Variants in IK observed in about 807,000 individuals in gnomAD.
IK encodes protein Red.
In IK, 47 loss-of-function variants were observed where a neutral mutation model predicts 90.9. The observed-to-expected ratio is 0.52, with a 90% CI of 0.41 to 0.66. The LOEUF (loss-of-function observed/expected upper bound fraction) is 0.66, where lower values mean the gene tolerates loss of function less well. IK is among the 30% of genes least tolerant of loss of function. IK has a pLI of 0.00. For synonymous variants in IK, 201 were observed against 227.5 expected, an observed-to-expected ratio of 0.88 and a Z score of 1.05; for missense variants, 385 against 709.3, an observed-to-expected ratio of 0.54 and a Z score of 5.19.
rs1404573629 is a variant in IK, at chr5:140,659,064, A to G, written c.1076A>G (p.Glu359Gly). The change falls in exon 12 of 20, where the codon GAG (glutamate) becomes GGG (glycine). Residue 359 changes from glutamate to glycine, a missense_variant. Coordinates refer to ENST00000417647, the MANE Select transcript of IK (RefSeq NM_006083.4). Reference sequence around the variant, plus strand: ...GACAGAGACCGTGACCGAGAGCGAGAGCGAGAACGAGATCGGGAACGAGAG... The same window carrying G: ...GACAGAGACCGTGACCGAGAGCGAGGGCGAGAACGAGATCGGGAACGAGAG... Reference protein sequence around the residue: ...ERDRDRDRERERERDRERERE... With the variant: ...ERDRDRDRERGRERDRERERE... 6.2e-7 allele frequency: 1 copy of G among 1,612,100 alleles called. No homozygotes were observed. Among genetic ancestry groups the G allele is most frequent in the Non-Finnish European group, 8.5e-7 (1 of 1,178,194 alleles).
At chr5:140,658,820 T>C in intron 11 of IK, 44 bp downstream of exon 11, 1 of 1,598,188 alleles carries the variant, frequency 6.3e-7, no homozygotes, top group Non-Finnish European at 8.6e-7. Flanking sequence ...GGAGGGGGTC[T>C]GTACATTTCT....
At chr5:140,651,837 CA>C (rs749903384) in intron 3 of IK, 31 bp downstream of exon 3, 32 of 1,354,978 alleles carry the variant, frequency 2.4e-5, no homozygotes, top group Non-Finnish European at 3.4e-5. Context: ...ACCTGTCTCC[CA>C]ACTTGTTTCT....
chr5:140,658,447 A>G (rs1757745675), intron 10 of IK, among the ~76,000 whole-genome samples: 1 of 152,004 alleles, frequency 6.6e-6, no homozygotes, highest in African/African-American at 2.4e-5. Context: ...CCTCCTGAGT[A>G]GCTGGGATTA....
In IK at chr5:140,655,920, G is replaced by A. The variant is rs773675823; in HGVS notation, c.729G>A (p.Leu243=). The change falls in exon 9 of 20, where the codon CTG becomes CTA. Residue 243 remains leucine (L), a synonymous_variant. Transcript: ENST00000417647. ...GCCGCATGGCCTATGTGGTAGACCT[G>A]GATGATGAGTATGCTGACACAGATA... ...LPGRMAYVVD[L]DDEYADTDIP... 6.3e-6 allele frequency: 10 copies of A among 1,582,998 alleles called. No individual in the cohort carries two copies.
chr5:140,651,362 C>G (rs962552866), intron 2 of IK, among the ~76,000 whole-genome samples: 2 of 151,478 alleles, frequency 1.3e-5, no homozygotes, highest in African/African-American at 4.9e-5. Context: ...TTACTTGAAC[C>G]CAGGAGGCAG....
Position 140,652,098 on chromosome 5 carries a change from G to A in IK, c.187G>A (p.Glu63Lys), listed in dbSNP as rs1293835573. ...TCTCGTCTCTTCTAGGATGCCAAGG[G>A]AGTACAATGAGGATGAAGACCCAGC... The part of the protein sequence containing the change: ...SKSRHHEMPR[E>K]YNEDEDPAAR... The change falls in exon 4 of 20, where the codon GAG becomes AAG. Residue 63 changes from glutamate to lysine, a missense_variant. This residue lies in a region of IK where 64 missense variants were observed against 144.6 expected (regional missense o/e 0.44). Coordinates refer to ENST00000417647, the MANE Select transcript of IK (RefSeq NM_006083.4). 2 of 1,613,352 alleles carry A rather than the reference G, an allele frequency of 1.2e-6. No individual in the cohort carries two copies. The highest frequency in any genetic ancestry group is 1.7e-6 in the Non-Finnish European group (2 of 1,179,382).
rs1392880198 is a variant in IK at position 140,661,120 on chromosome 5, C to A, written c.1413+305C>A. 1 of 354,086 alleles carries A rather than the reference C, an allele frequency of 2.8e-6. No homozygotes were observed. The highest frequency in any genetic ancestry group is 4.5e-5 in the Admixed American group (1 of 22,254). 21.9% of individuals were successfully genotyped at this position (354,086 alleles called of 1,614,324 possible). A position where few individuals can be genotyped will look rare whatever the true frequency, so the allele number is the denominator to read the frequency against. ...TAAGTAGAAAGGGCAGAAAAAATTGCAGTCTTTGGAAAATAACTAAATTTT... is the reference window on the plus strand; with the variant it reads ...TAAGTAGAAAGGGCAGAAAAAATTGAAGTCTTTGGAAAATAACTAAATTTT... On this transcript the variant is annotated intron_variant, in intron 16 of 19. Coordinates refer to ENST00000417647, the MANE Select transcript of IK (RefSeq NM_006083.4). This position sits in a 1 kb window ranked among gnomAD's most constrained non-coding sequence, Gnocchi z 4.2.
intron 2 of IK, 128 bp downstream of exon 2, chr5:140,648,665 T>C: frequency 2.2e-6 from 2 of 910,760 alleles, no homozygotes; most frequent in Non-Finnish European, 3.6e-6. Flanking sequence ...TGGCCCTTTA[T>C]CTCTGTGAGC....
chr5:140,660,184 C>T lies in IK; in HGVS notation c.1344C>T (p.Cys448=), dbSNP rs1185289527. Residue 448 remains cysteine (C), a synonymous_variant, in exon 15 of 20, where the codon TGC becomes TGT. Coordinates refer to ENST00000417647, the MANE Select transcript of IK (RefSeq NM_006083.4). ...FFGMSNSYAE[C]YPATMDDMAV... ...GCATGTCCAACAGTTATGCAGAGTG[C>T]TACCCAGCCACGTATGTGAAACCTG... 2.5e-6 allele frequency: 4 copies of T among 1,612,266 alleles called. No individual in the cohort carries two copies. Among genetic ancestry groups the T allele is most frequent in the African/African-American group, 1.3e-5 (1 of 74,810 alleles).
rs1757625606 is a variant in IK at position 140,652,148 on chromosome 5, G to A, written c.236+1G>A. 1 of 1,611,330 alleles carries A rather than the reference G, an allele frequency of 6.2e-7. No homozygotes were observed. The highest frequency in any genetic ancestry group is 1.3e-5 in the African/African-American group (1 of 74,846). ...CTGCACGAAGGAGGAAAAAGAAAAG[G>A]TGAAGGAAGGGTGAAGGGTTTTAGA... On this transcript the variant is annotated splice_donor_variant, in intron 4 of 19. Coordinates refer to ENST00000417647, the MANE Select transcript of IK (RefSeq NM_006083.4). LOFTEE classifies it high-confidence loss of function.
intron 12 of IK, 34 bp from the exon 13 acceptor site, chr5:140,659,281 G>A (rs1322168020): frequency 2.5e-6 from 4 of 1,613,762 alleles, no homozygotes; most frequent in Non-Finnish European, 3.4e-6. Flanking sequence ...ATCTCTCATG[G>A]TAACACTAAC....
At position 140,660,148 on chromosome 5, in the gene IK, A is replaced by C. The variant is rs780242215; in HGVS notation, c.1308A>C (p.Gly436=). The C allele has an allele frequency of 1.2e-6, 2 of 1,613,866 alleles. No individual in the cohort carries two copies. The highest frequency in any genetic ancestry group is 4.5e-5 in the East Asian group (2 of 44,894). ...LKKPEDKKQL[G]DFFGMSNSYA... ...AGCCAGAAGACAAAAAGCAGCTGGG[A>C]GATTTCTTTGGCATGTCCAACAGTT... Residue 436 remains glycine (G), a synonymous_variant, in exon 15 of 20, where the codon GGA becomes GGC. Coordinates refer to ENST00000417647, the MANE Select transcript of IK (RefSeq NM_006083.4).
chr5:140,653,235 G>T, intron 5 of IK, 91 bp downstream of exon 5: 1 of 1,177,054 alleles, frequency 8.5e-7, no homozygotes, highest in Middle Eastern at 2.2e-4. Flanking sequence ...TCCTGCCCTG[G>T]AGCCTACAAT....
In IK at chr5:140,655,815, T is replaced by A; in HGVS notation, c.638-14T>A. On this transcript the variant is annotated splice_polypyrimidine_tract_variant and intron_variant, in intron 8 of 19. Coordinates refer to ENST00000417647, the MANE Select transcript of IK (RefSeq NM_006083.4). ...GTAGATCCTGGCTACTTGCTGCTCT[T>A]CTCCTTATTGTAGGCCGCAATGTTT... 6.2e-7 allele frequency: 1 copy of A among 1,608,102 alleles called. No homozygotes were observed. Among genetic ancestry groups the A allele is most frequent in the Middle Eastern group, 1.7e-4 (1 of 5,922 alleles).
At chr5:140,653,864 G>A in intron 5 of IK, 74 bp from the exon 6 acceptor site, 1 of 883,780 alleles carries the variant, frequency 1.1e-6, no homozygotes, top group Non-Finnish European at 1.8e-6. Flanking sequence ...TGACCTCCCA[G>A]AGTACTGGGA....
At chr5:140,660,271 C>A in intron 15 of IK, 76 bp downstream of exon 15, 1 of 684,480 alleles carries the variant, frequency 1.5e-6, no homozygotes, top group Non-Finnish European at 2.5e-6. Context: ...AAATTTGATT[C>A]GCTAAGTCCC....
intron 19 of IK, 29 bp from the exon 20 acceptor site, chr5:140,662,273 A>G: frequency 6.2e-7 from 1 of 1,614,022 alleles, no homozygotes; most frequent in East Asian, 2.2e-5. Flanking sequence ...TATTGATCTT[A>G]TACTGACCCA....
At chr5:140,660,936 G>C (rs1757794530) in intron 16 of IK, 121 bp downstream of exon 16, 1 of 713,220 alleles carries the variant, frequency 1.4e-6, no homozygotes, top group Non-Finnish European at 2.5e-6. Context: ...TTTAGCTGCA[G>C]CAGTAGAAAC....
In IK at chr5:140,661,430, G is replaced by A; in HGVS notation, c.1414-190G>A. On this transcript the variant is annotated intron_variant, in intron 16 of 19. Coordinates refer to ENST00000417647, the MANE Select transcript of IK (RefSeq NM_006083.4). This position sits in a 1 kb window ranked among gnomAD's most constrained non-coding sequence, Gnocchi z 4.2. ...ATTTTATGAGAATTAAGTGAGATAT[G>A]CATTTAGTGTACAGAATAATGCCTG... 1 of 567,584 alleles carries A rather than the reference G, an allele frequency of 1.8e-6. No homozygotes were observed. 35.2% of individuals were successfully genotyped at this position (567,584 alleles called of 1,614,324 possible).
Sources: allele counts gnomAD v4.1 joint callset (sites outside exome capture counted in the v4.1 genomes callset), GRCh38; gene constraint gnomAD v4.1.1; regional missense constraint gnomAD v4.1.1; non-coding constraint Gnocchi (gnomAD v3.1); transcripts MANE v1.5; gene names NCBI Gene and HGNC (gene_info 2026-07-23, HGNC 2026-07-21).